Variants in HEATR4 observed in about 807,000 individuals in gnomAD.
The protein encoded by HEATR4 is HEAT repeat-containing protein 4.
Under a neutral mutation model 108.8 loss-of-function variants are expected in HEATR4, and 95 were observed. The observed-to-expected ratio is 0.87, with a 90% CI of 0.74 to 1.04. The LOEUF (loss-of-function observed/expected upper bound fraction) is 1.04. Ranked by LOEUF, HEATR4 falls within the 50% of genes least tolerant of loss-of-function variation. HEATR4 has a pLI of 0.00. For synonymous variants in HEATR4, 443 were observed against 459.4 expected (o/e 0.96, Z 0.46); for missense variants, 1,152 against 1,253.8 (o/e 0.92, Z 1.23).
rs1474957641 is a variant in HEATR4, at chr14:73,500,550, C to T, written c.2286G>A (p.Met762Ile). 4.3e-6 allele frequency: 7 copies of T among 1,611,942 alleles called. No homozygotes were observed. The Admixed American group carries it at 1.2e-4, about 27-fold the overall frequency. Residue 762 changes from methionine to isoleucine, a missense_variant and splice_region_variant, in exon 12 of 18, where the codon ATG becomes ATA. Met to Ile is a conservative substitution (Grantham distance 10). Transcript: ENST00000553558. The part of the protein sequence containing the change: ...AAGALQIRDK[M>I]VLECLLNLMQ... The stretch of plus-strand genomic sequence containing the variant: ...ATGAGAATATGTTTCCCTGACTCAC[C>T]ATCTTGTCGCGGATCTGCAGGGCAC...
chr14:73,549,272 CTG>C lies in HEATR4; in HGVS notation c.-152+9477_-152+9478del, dbSNP rs1246976246. On this transcript the variant is annotated intron_variant, in intron 1 of 17. Coordinates refer to ENST00000553558, the MANE Select transcript of HEATR4 (RefSeq NM_001220484.1). ...AATGCCTCGTGATGTGTGTGTGTGT[CTG>C]TGTGTGTGTGTATCTCAGGGGCGTC... Among the ~76,000 whole-genome samples, 93 of 112,438 alleles carry C rather than the reference CTG, an allele frequency of 8.3e-4. 1 individual carries two copies. The highest frequency in any genetic ancestry group is 2.6e-3 in the African/African-American group (90 of 34,824). The allele number at this position is 112,438 out of a possible 152,430, so 73.8% of individuals were successfully genotyped here.
chr14:73,591,543 A>AG, the HEATR4 span, among the ~76,000 whole-genome samples: 3 of 148,792 alleles, frequency 2.0e-5, no homozygotes, highest in Non-Finnish European at 3.0e-5. Flanking sequence ...CTCTGTTTCA[A>AG]AAAAAAAAAA....
At position 73,551,808 on chromosome 14, in the gene HEATR4, TTAAAA is replaced by T. The variant is rs1483456066; in HGVS notation, c.-152+6938_-152+6942del. On this transcript the variant is annotated intron_variant, in intron 1 of 17. Coordinates refer to ENST00000553558, the MANE Select transcript of HEATR4 (RefSeq NM_001220484.1). ...TGGGCAACAAGAGTAAATCTCCGTC[TTAAAA>T]AAAAAAAAAAAACAGACAAAATGGC... Among the ~76,000 whole-genome samples the T allele has an allele frequency of 5.8e-5, 6 of 103,014 alleles. 1 individual carries two copies. Among genetic ancestry groups the T allele is most frequent in the African/African-American group, 1.9e-4 (6 of 31,392 alleles). 67.6% of individuals were successfully genotyped at this position (103,014 alleles called of 152,430 possible).
intron 1 of HEATR4, among the ~76,000 whole-genome samples, chr14:73,542,223 C>A (rs1595157533): frequency 9.3e-6 from 1 of 108,092 alleles, no homozygotes; most frequent in African/African-American, 3.1e-5. Context: ...GTCTCAAACT[C>A]CTGACCTCAA....
At chr14:73,519,201 C>G in intron 4 of HEATR4, 38 bp from the exon 5 acceptor site, 1 of 1,573,108 alleles carries the variant, frequency 6.4e-7, no homozygotes, top group Non-Finnish European at 8.6e-7. Flanking sequence ...CCCCTATAAC[C>G]TCCCTATTTC....
intron 17 of HEATR4, among the ~76,000 whole-genome samples, chr14:73,479,412 C>T (rs1885152253): frequency 3.3e-4 from 1 of 3,016 alleles, no homozygotes; most frequent in Non-Finnish European, 9.4e-4. Flanking sequence ...CTGCGCCCGG[C>T]GTTTTTTTTT....
intron 2 of HEATR4, among the ~76,000 whole-genome samples, chr14:73,525,537 C>T (rs1016963825): frequency 4.6e-5 from 7 of 152,158 alleles, no homozygotes; most frequent in African/African-American, 7.2e-5. Flanking sequence ...GATGTTTTCT[C>T]CTGAAACAGT....
chr14:73,508,271 C>T lies in HEATR4; in HGVS notation c.1744G>A (p.Ala582Thr). 3.7e-6 allele frequency: 6 copies of T among 1,613,924 alleles called. No homozygotes were observed. Among genetic ancestry groups the T allele is most frequent in the Non-Finnish European group, 4.2e-6 (5 of 1,179,968 alleles). Residue 582 changes from alanine to threonine, a missense_variant, in exon 9 of 18, where the codon GCA (alanine) becomes ACA (threonine). Physicochemically the swap from Ala to Thr is moderately conservative, Grantham distance 58. Coordinates refer to ENST00000553558, the MANE Select transcript of HEATR4 (RefSeq NM_001220484.1). ...CCTTCCAGAGCCAAGCACTGAGCTG[C>T]AGCCCAGCTATCCACACTGTTACCT... ...LKGNSVDSWAAAQCLALEGTA... is the reference protein window; with the variant it reads ...LKGNSVDSWATAQCLALEGTA...
chr14:73,532,683 A>G lies in HEATR4; in HGVS notation c.-151-2439T>C, dbSNP rs146884149. On this transcript the variant is annotated intron_variant, in intron 1 of 17. Transcript: ENST00000553558. The stretch of plus-strand genomic sequence containing the variant: ...GAAAAGTAAAGACTAGGCCGGGTGC[A>G]GTGGCTCACGCTCATAATCCTAGCA... Among the ~76,000 whole-genome samples, 895 of 115,542 alleles carry G rather than the reference A, an allele frequency of 7.7e-3. 265 individuals are homozygous for G. Among genetic ancestry groups the G allele is most frequent in the South Asian group, 0.018 (68 of 3,678 alleles). The allele number at this position is 115,542 out of a possible 152,430, so 75.8% of individuals were successfully genotyped here.
In HEATR4 at chr14:73,492,459, T is replaced by G. The variant is rs1245193645; in HGVS notation, c.2844+607A>C. 6.2e-7 allele frequency: 1 copy of G among 1,613,772 alleles called. No homozygotes were observed. Among genetic ancestry groups the G allele is most frequent in the East Asian group, 2.2e-5 (1 of 44,880 alleles). On this transcript the variant is annotated intron_variant, in intron 17 of 17. Coordinates refer to ENST00000553558, the MANE Select transcript of HEATR4 (RefSeq NM_001220484.1). The surrounding 1 kb of genome is among the most constrained non-coding windows in gnomAD (Gnocchi z 4.9). Reference sequence around the variant, plus strand: ...CGAAGAACCGCTTTCATGGAGAAGGTGCGGGTCTTGGTTGCCCGCCTGGGA... The same window carrying G: ...CGAAGAACCGCTTTCATGGAGAAGGGGCGGGTCTTGGTTGCCCGCCTGGGA...
the HEATR4 span, chr14:73,581,443 A>C: frequency 6.6e-6 from 1 of 150,844 alleles, no homozygotes; most frequent in Non-Finnish European, 1.5e-5. Flanking sequence ...ATGCCTCGTG[A>C]TGTGTGTGTG....
At chr14:73,532,960 A>T (rs1244861313) in intron 1 of HEATR4, among the ~76,000 whole-genome samples, 1 of 111,620 alleles carries the variant, frequency 9.0e-6, no homozygotes, top group Non-Finnish European at 1.9e-5. Flanking sequence ...ATCTCAAAAA[A>T]ATAAATAAAT....
At chr14:73,573,249 A>G in the HEATR4 span, 1 of 1,311,356 alleles carries the variant, frequency 7.6e-7, no homozygotes, top group South Asian at 1.2e-5. Flanking sequence ...TTCTGGACGA[A>G]CAGGTTTTCA....
intron 17 of HEATR4, among the ~76,000 whole-genome samples, chr14:73,485,378 T>C (rs1401243574): frequency 6.6e-6 from 1 of 151,498 alleles, no homozygotes; most frequent in Non-Finnish European, 1.5e-5. Flanking sequence ...CATCTATGTG[T>C]AAATATCTTT....
chr14:73,552,216 T>C (rs369272298), intron 1 of HEATR4, among the ~76,000 whole-genome samples: 26,653 of 99,978 alleles, frequency 0.27, 8,499 homozygotes, highest in African/African-American at 0.55. Context: ...GAAGTTGCTG[T>C]AGACCTGTAC....
At chr14:73,628,928 G>T in the HEATR4 span, among the ~76,000 whole-genome samples, 92 of 151,700 alleles carry the variant, frequency 6.1e-4, no homozygotes, top group African/African-American at 2.0e-3. Flanking sequence ...AGTGGTGGGC[G>T]CCTGTAATCC....
chr14:73,597,102 G>C, the HEATR4 span, among the ~76,000 whole-genome samples: 1 of 133,052 alleles, frequency 7.5e-6, no homozygotes, highest in South Asian at 2.4e-4. Context: ...TTATTTTTTT[G>C]AGATAGAGTC....
At chr14:73,535,474 T>C (rs1888832058) in intron 1 of HEATR4, among the ~76,000 whole-genome samples, 1 of 10,904 alleles carries the variant, frequency 9.2e-5, no homozygotes, top group Non-Finnish European at 1.5e-4. Context: ...TCTTTCTTTT[T>C]TTTTTTTTTT....
the HEATR4 span, chr14:73,619,626 G>C: frequency 6.2e-7 from 1 of 1,614,174 alleles, no homozygotes; most frequent in Non-Finnish European, 8.5e-7. Flanking sequence ...AAAGACCCCA[G>C]ATAATCTGTT....
Sources: allele counts gnomAD v4.1 joint callset (sites outside exome capture counted in the v4.1 genomes callset), GRCh38; gene constraint gnomAD v4.1.1; non-coding constraint Gnocchi (gnomAD v3.1); transcripts MANE v1.5; gene names NCBI Gene and HGNC (gene_info 2026-07-23, HGNC 2026-07-21).